CCSER1: variants seen among roughly 807,000 people sequenced by gnomAD.
CCSER1 encodes serine-rich coiled-coil domain-containing protein 1.
Under a neutral mutation model 82.0 loss-of-function variants are expected in CCSER1, and 41 were observed. That is an observed-to-expected ratio of 0.50 (90% CI 0.39 to 0.65). The LOEUF (loss-of-function observed/expected upper bound fraction) is 0.65, where lower values mean the gene tolerates loss of function less well. Ranked by LOEUF, CCSER1 falls within the 30% of genes least tolerant of loss-of-function variation. The probability of loss-of-function intolerance (pLI) is 0.00; values close to 1 mark genes in which losing one functional copy is unlikely to be tolerated. For missense variants in CCSER1, 1,119 were observed against 1,064.2 expected, an observed-to-expected ratio of 1.05 and a Z score of -0.72; for synonymous variants, 414 against 383.9, an observed-to-expected ratio of 1.08 and a Z score of -0.92.
At chr4:91,525,765 C>T (rs927021538) in intron 10 of CCSER1, among the ~76,000 whole-genome samples, 1 of 152,092 alleles carries the variant, frequency 6.6e-6, no homozygotes, top group Non-Finnish European at 1.5e-5. Context: ...TTATTTGTCT[C>T]ATATACGTAG....
chr4:90,698,845 C>G (rs1218300865), intron 6 of CCSER1, among the ~76,000 whole-genome samples: 1 of 152,122 alleles, frequency 6.6e-6, no homozygotes, highest in African/African-American at 2.4e-5. Flanking sequence ...TGACTCATGC[C>G]TGTAATTCCA....
At chr4:90,817,473 C>T (rs1252715984) in intron 8 of CCSER1, among the ~76,000 whole-genome samples, 1 of 151,700 alleles carries the variant, frequency 6.6e-6, no homozygotes, top group South Asian at 2.1e-4. Context: ...TTTAGTATAC[C>T]TCCATCTAAA....
intron 10 of CCSER1, among the ~76,000 whole-genome samples, chr4:91,556,352 T>G (rs1204424898): frequency 6.6e-6 from 1 of 150,882 alleles, no homozygotes; most frequent in Admixed American, 6.7e-5. Flanking sequence ...TTTTTTAAAG[T>G]GGATTATTAA....
chr4:91,083,326 C>A (rs1267740682), intron 9 of CCSER1, among the ~76,000 whole-genome samples: 1 of 152,090 alleles, frequency 6.6e-6, no homozygotes. Context: ...AAACCAAACA[C>A]CTCATGTTCT....
chr4:91,183,914 T>C lies in CCSER1; in HGVS notation c.2217+97920T>C, dbSNP rs61186753. Among the ~76,000 whole-genome samples the C allele has an allele frequency of 3.3e-3, 509 of 152,304 alleles. 2 individuals carry two copies. The highest frequency in any genetic ancestry group is 0.012 in the African/African-American group (482 of 41,556). The stretch of plus-strand genomic sequence containing the variant: ...CATAGGCAGGAATGCCTAGAGCAGG[T>C]CATATCCAATTAATGTCCCCTACTA... On this transcript the variant is annotated intron_variant, in intron 10 of 10. Transcript: ENST00000509176.
intron 9 of CCSER1, among the ~76,000 whole-genome samples, chr4:90,948,888 T>C (rs34555386): frequency 0.66 from 99,732 of 151,258 alleles, 33,146 homozygotes; most frequent in Non-Finnish European, 0.7. Context: ...AACCATATAA[T>C]ACCACGTACT....
In CCSER1 at chr4:90,780,783, T is replaced by C. The variant is rs948675686; in HGVS notation, c.2011-34979T>C. The stretch of plus-strand genomic sequence containing the variant: ...TAAAGGTAAACTAAATTGACTAAAG[T>C]ATCAATATTTCCATATATGCGTGAT... On this transcript the variant is annotated intron_variant, in intron 7 of 10. Transcript: ENST00000509176. 71 of 1,155,154 alleles carry C rather than the reference T, an allele frequency of 6.1e-5. No homozygotes were observed. The African/African-American group carries it at 1.0e-3, about 17-fold the overall frequency. The allele number at this position is 1,155,154 out of a possible 1,614,324, so 71.6% of individuals were successfully genotyped here. A position where few individuals can be genotyped will look rare whatever the true frequency, so the allele number is the denominator to read the frequency against.
intron 1 of CCSER1, among the ~76,000 whole-genome samples, chr4:90,265,583 T>A (rs1393757185): frequency 6.6e-6 from 1 of 151,990 alleles, no homozygotes; most frequent in Admixed American, 6.6e-5. Flanking sequence ...TCAAAAATTA[T>A]AATAAAATAT....
chr4:90,969,588 C>G lies in CCSER1; in HGVS notation c.2172+46141C>G, dbSNP rs1471827114. 1.3e-5 allele frequency among the ~76,000 whole-genome samples: 2 copies of G among 151,838 alleles called. 1 individual carries two copies. Among genetic ancestry groups the G allele is most frequent in the African/African-American group, 4.8e-5 (2 of 41,334 alleles). On this transcript the variant is annotated intron_variant, in intron 9 of 10. Coordinates refer to ENST00000509176, the MANE Select transcript of CCSER1 (RefSeq NM_001145065.2). ...GAAATAAAGAAGAGATAAACACTTT[C>G]CCAGATGAACAAAATGACAATCTAT... is the stretch of plus-strand genomic sequence containing the variant.
intron 10 of CCSER1, among the ~76,000 whole-genome samples, chr4:91,417,935 GA>G (rs1753463503): frequency 6.6e-6 from 1 of 152,164 alleles, no homozygotes; most frequent in African/African-American, 2.4e-5. Context: ...TAAGAAGCTT[GA>G]AATCATATCA....
intron 5 of CCSER1, among the ~76,000 whole-genome samples, chr4:90,574,082 T>C (rs2148589039): frequency 6.6e-6 from 1 of 151,998 alleles, no homozygotes; most frequent in Non-Finnish European, 1.5e-5. Flanking sequence ...TTTGATGGTT[T>C]CTCTCTTTGC....
At chr4:90,196,026 T>A (rs1157431716) in intron 1 of CCSER1, among the ~76,000 whole-genome samples, 1 of 151,992 alleles carries the variant, frequency 6.6e-6, no homozygotes, top group Non-Finnish European at 1.5e-5. Context: ...AAAACCCAGA[T>A]ATTGTTCAGG....
chr4:90,569,046 C>T (rs1779787771), intron 5 of CCSER1, among the ~76,000 whole-genome samples: 1 of 152,018 alleles, frequency 6.6e-6, no homozygotes, highest in African/African-American at 2.4e-5. Flanking sequence ...GCCACCATGC[C>T]TGGCCTCTTG....
chr4:91,150,046 T>C (rs940132207), intron 10 of CCSER1, among the ~76,000 whole-genome samples: 2 of 152,204 alleles, frequency 1.3e-5, no homozygotes, highest in Non-Finnish European at 2.9e-5. Flanking sequence ...GGGGATGGCA[T>C]TGAATCTATA....
chr4:91,165,397 TGAG>T (rs1176893854), intron 10 of CCSER1, among the ~76,000 whole-genome samples: 1 of 152,132 alleles, frequency 6.6e-6, no homozygotes, highest in African/African-American at 2.4e-5. Context: ...GGGACCCACT[TGAG>T]GAGTCAGTCT....
At chr4:91,492,700 G>A (rs1758613050) in intron 10 of CCSER1, among the ~76,000 whole-genome samples, 1 of 151,980 alleles carries the variant, frequency 6.6e-6, no homozygotes, top group South Asian at 2.1e-4. Context: ...GAATCCTCGG[G>A]GGCAATTTCT....
chr4:90,863,911 C>T (rs1382507991), intron 8 of CCSER1, among the ~76,000 whole-genome samples: 1 of 151,182 alleles, frequency 6.6e-6, no homozygotes, highest in East Asian at 1.9e-4. Flanking sequence ...TCATCTGGAT[C>T]AGATTTTTTT....
chr4:90,510,827 C>T (rs578076455), intron 5 of CCSER1, among the ~76,000 whole-genome samples: 1 of 152,126 alleles, frequency 6.6e-6, no homozygotes, highest in Non-Finnish European at 1.5e-5. Context: ...TCTGGGCCTT[C>T]GTGGTGCTCA....
At chr4:91,456,466 C>T (rs1003746481) in intron 10 of CCSER1, among the ~76,000 whole-genome samples, 1 of 151,916 alleles carries the variant, frequency 6.6e-6, no homozygotes, top group Non-Finnish European at 1.5e-5. Context: ...ATATTGCCAA[C>T]TATATCTTTT....
Sources: gnomAD v4.1 joint callset for allele counts (sites outside exome capture counted in the v4.1 genomes callset) on GRCh38, gnomAD v4.1.1 for gene constraint, MANE v1.5 for transcripts, NCBI Gene and HGNC (gene_info 2026-07-23, HGNC 2026-07-21) for gene names.